PTPRD: variants seen among roughly 807,000 people sequenced by gnomAD.
The protein encoded by PTPRD is protein tyrosine phosphatase receptor type D.
PTPRD carries 34 observed loss-of-function variants against 214.5 expected under a neutral mutation model. That is an observed-to-expected ratio of 0.16 (90% CI 0.12 to 0.21). The LOEUF (loss-of-function observed/expected upper bound fraction) is 0.21. Among genes scored for constraint, PTPRD ranks in the 10% least tolerant of loss-of-function variants. The probability of loss-of-function intolerance (pLI) is 1.00; values close to 1 mark genes in which losing one functional copy is unlikely to be tolerated. For missense variants in PTPRD, 2,545 were observed against 2,398.7 expected, an observed-to-expected ratio of 1.06 and a Z score of -1.27; for synonymous variants, 1,128 against 845.7, an observed-to-expected ratio of 1.33 and a Z score of -5.79.
chr9:9,682,571 G>T (rs138270532), intron 7 of PTPRD, among the ~76,000 whole-genome samples: 2 of 151,852 alleles, frequency 1.3e-5, no homozygotes, highest in African/African-American at 2.4e-5. Context: ...GTTGGGGAAA[G>T]AAAAGAAGGT....
intron 14 of PTPRD, among the ~76,000 whole-genome samples, chr9:8,591,245 CAT>C (rs1439693534): frequency 5.9e-5 from 9 of 152,160 alleles, no homozygotes; most frequent in African/African-American, 2.2e-4. Flanking sequence ...TGTAGGGTAA[CAT>C]AGTCATCACA....
At chr9:10,109,468 A>G (rs945249477) in intron 3 of PTPRD, among the ~76,000 whole-genome samples, 2 of 152,198 alleles carry the variant, frequency 1.3e-5, no homozygotes, top group African/African-American at 4.8e-5. Context: ...CAAATATCCT[A>G]TCAGATACCT....
intron 2 of PTPRD, among the ~76,000 whole-genome samples, chr9:10,441,530 C>T (rs2098758241): frequency 6.6e-6 from 1 of 150,524 alleles, no homozygotes; most frequent in Non-Finnish European, 1.5e-5. Flanking sequence ...AAAAACTTTC[C>T]AATTGCTTCC....
intron 2 of PTPRD, among the ~76,000 whole-genome samples, chr9:10,469,162 G>A (rs1377344240): frequency 1.3e-5 from 2 of 151,978 alleles, no homozygotes; most frequent in African/African-American, 4.8e-5. Flanking sequence ...CCAAATGGAA[G>A]AAACAAAAGA....
intron 7 of PTPRD, among the ~76,000 whole-genome samples, chr9:9,709,650 T>C (rs899312758): frequency 6.6e-6 from 1 of 152,144 alleles, no homozygotes; most frequent in South Asian, 2.1e-4. Flanking sequence ...AAGAGAAAGA[T>C]AGTATTTGGG....
At chr9:9,864,335 A>G (rs2153697715) in intron 5 of PTPRD, among the ~76,000 whole-genome samples, 1 of 148,850 alleles carries the variant, frequency 6.7e-6, no homozygotes, top group Non-Finnish European at 1.5e-5. Context: ...AGATTAAAAA[A>G]AAAAAAAGTT....
chr9:9,089,559 T>G (rs912283401), intron 10 of PTPRD, among the ~76,000 whole-genome samples: 18 of 152,218 alleles, frequency 1.2e-4, no homozygotes. Flanking sequence ...TGCAAGGGCC[T>G]ACAAATTGAT....
intron 9 of PTPRD, among the ~76,000 whole-genome samples, chr9:9,345,549 A>G (rs1433547986): frequency 1.3e-5 from 2 of 152,126 alleles, no homozygotes; most frequent in Non-Finnish European, 2.9e-5. Context: ...ATTTTTTTAA[A>G]GTGCTTTCTT....
chr9:9,725,930 C>G (rs562238560), intron 7 of PTPRD, among the ~76,000 whole-genome samples: 20 of 152,202 alleles, frequency 1.3e-4, no homozygotes, highest in African/African-American at 4.8e-4. Context: ...TTTAGGGAAG[C>G]AGATGACTTC....
chr9:10,533,153 G>T (rs1358079023), intron 2 of PTPRD, among the ~76,000 whole-genome samples: 1 of 151,960 alleles, frequency 6.6e-6, no homozygotes, highest in Non-Finnish European at 1.5e-5. Context: ...GCATACACAG[G>T]TTCCATTCCT....
intron 14 of PTPRD, among the ~76,000 whole-genome samples, chr9:8,544,413 G>C (rs1316881486): frequency 1.3e-5 from 2 of 148,362 alleles, no homozygotes; most frequent in African/African-American, 5.0e-5. Flanking sequence ...AACAGCAGTT[G>C]CTTTTGCCAT....
intron 5 of PTPRD, among the ~76,000 whole-genome samples, chr9:9,838,506 TC>T (rs1203622732): frequency 6.6e-6 from 1 of 152,180 alleles, no homozygotes; most frequent in Non-Finnish European, 1.5e-5. Flanking sequence ...GATTTGCATT[TC>T]TCTGATGGCC....
intron 20 of PTPRD, among the ~76,000 whole-genome samples, chr9:8,519,462 T>G (rs1243804081): frequency 6.6e-6 from 1 of 152,170 alleles, no homozygotes; most frequent in Non-Finnish European, 1.5e-5. Flanking sequence ...AATAGTTGAC[T>G]CTTTAGAGAA....
At chr9:8,841,644 C>T (rs1300931296) in intron 11 of PTPRD, among the ~76,000 whole-genome samples, 1 of 151,962 alleles carries the variant, frequency 6.6e-6, no homozygotes, top group Admixed American at 6.6e-5. Flanking sequence ...CCCTACCTTT[C>T]AGAAACCTGT....
chr9:9,752,683 G>A (rs963544476), intron 6 of PTPRD, among the ~76,000 whole-genome samples: 29 of 152,008 alleles, frequency 1.9e-4, no homozygotes, highest in African/African-American at 7.0e-4. Context: ...TTCATTTGGG[G>A]AAGGAGATGC....
At chr9:9,440,482 A>G (rs2087144021) in intron 8 of PTPRD, among the ~76,000 whole-genome samples, 2 of 152,198 alleles carry the variant, frequency 1.3e-5, no homozygotes, top group African/African-American at 4.8e-5. Flanking sequence ...AGGAGAGTCA[A>G]TAGAATTTGC....
chr9:9,275,098 ATATAATATATT>A, intron 9 of PTPRD, among the ~76,000 whole-genome samples: 1 of 64,460 alleles, frequency 1.6e-5, no homozygotes, highest in Non-Finnish European at 2.9e-5. Context: ...TATGTTATAT[ATATAATATATT>A]ATATATATAT....
chr9:9,068,501 C>T (rs568496843), intron 10 of PTPRD, among the ~76,000 whole-genome samples: 1 of 152,180 alleles, frequency 6.6e-6, no homozygotes, highest in Admixed American at 6.5e-5. Context: ...TTCTGACATT[C>T]ACTATCATCT....
chr9:8,630,245 G>T (rs1317124948), intron 14 of PTPRD, among the ~76,000 whole-genome samples: 1 of 151,806 alleles, frequency 6.6e-6, no homozygotes, highest in Non-Finnish European at 1.5e-5. Flanking sequence ...TCCATCTACT[G>T]CAGAACAGAG....
Sources: gnomAD v4.1 joint callset for allele counts (sites outside exome capture counted in the v4.1 genomes callset) on GRCh38, gnomAD v4.1.1 for gene constraint, MANE v1.5 for transcripts, NCBI Gene and HGNC (gene_info 2026-07-23, HGNC 2026-07-21) for gene names.